Variants in PABIR2 observed in about 807,000 individuals in gnomAD.
PABIR2 encodes family with sequence similarity 122B.
PABIR2 carries 7 observed loss-of-function variants against 22.8 expected under a neutral mutation model. The observed-to-expected ratio is 0.31, with a 90% CI of 0.17 to 0.58. The LOEUF is 0.58. PABIR2 is among the 20% of genes least tolerant of loss of function. The pLI, the probability that PABIR2 is intolerant of heterozygous loss-of-function variation, is 0.89. For missense variants in PABIR2, 155 were observed against 205.1 expected, an observed-to-expected ratio of 0.76 and a Z score of 1.49; for synonymous variants, 67 against 73.8, an observed-to-expected ratio of 0.91 and a Z score of 0.47.
intron 7 of PABIR2, among the ~76,000 whole-genome samples, chrX:134,786,700 G>A (rs1338497817): frequency 9.0e-6 from 1 of 111,706 alleles, no homozygotes; most frequent in Non-Finnish European, 1.9e-5. Flanking sequence ...GCTCACGCCT[G>A]TAATCCCAGT....
At chrX:134,794,043 C>T in intron 1 of PABIR2, 150 bp from the exon 2 acceptor site, 1 of 1,088,282 alleles carries the variant, frequency 9.2e-7, no homozygotes, top group Admixed American at 3.5e-5. Flanking sequence ...GAACTCCTCA[C>T]CGTCCTCTCT....
chrX:134,784,836 A>G (rs2079265626), intron 8 of PABIR2, among the ~76,000 whole-genome samples: 1 of 111,095 alleles, frequency 9.0e-6, no homozygotes, highest in Non-Finnish European at 1.9e-5. Flanking sequence ...ATACTAAACT[A>G]AACTATTTTA....
At chrX:134,775,086 ACTT>A (rs2078932791) in intron 9 of PABIR2, among the ~76,000 whole-genome samples, 1 of 112,397 alleles carries the variant, frequency 8.9e-6, no homozygotes, top group Non-Finnish European at 1.9e-5. Flanking sequence ...AATGAGCCTT[ACTT>A]AGACTAATGG....
At chrX:134,780,607 G>A (rs930095435) in intron 9 of PABIR2, among the ~76,000 whole-genome samples, 6 of 111,802 alleles carry the variant, frequency 5.4e-5, no homozygotes, top group Non-Finnish European at 9.4e-5. Context: ...ATCCTCAGCT[G>A]TAAAACTCAG....
At position 134,774,177 on chromosome X, in the gene PABIR2, T is replaced by C. The variant is rs1221090430; in HGVS notation, c.660-1894A>G. 2.7e-5 allele frequency among the ~76,000 whole-genome samples: 3 copies of C among 112,159 alleles called. No homozygotes were observed. The East Asian group carries it at 8.3e-4, about 31-fold the overall frequency. On this transcript the variant is annotated intron_variant, in intron 9 of 9. Coordinates refer to ENST00000343004, the MANE Select transcript of PABIR2 (RefSeq NM_001387468.1). ...TGGCTCCGATATTTTTTCAACCAAA[T>C]GGCAAAATGGATCTAAAATATGAAT... is the stretch of plus-strand genomic sequence containing the variant.
chrX:134,795,190 T>C (rs1876880049), intron 1 of PABIR2, among the ~76,000 whole-genome samples: 1 of 112,075 alleles, frequency 8.9e-6, no homozygotes, highest in Non-Finnish European at 1.9e-5. Flanking sequence ...CAACCTGTTT[T>C]TTCCCCAAAA....
chrX:134,774,530 T>C (rs1019575939), intron 9 of PABIR2, among the ~76,000 whole-genome samples: 20 of 110,945 alleles, frequency 1.8e-4, no homozygotes, highest in African/African-American at 6.2e-4. Flanking sequence ...TAAGGCCTGC[T>C]TGCTTGGGTG....
rs748860883 is a variant in PABIR2 at position 134,771,097 on chromosome X, GA to G, written c.*1041del. The G allele has an allele frequency of 5.5e-5, 18 of 326,384 alleles. No homozygotes were observed. Among genetic ancestry groups the G allele is most frequent in the South Asian group, 3.6e-4 (3 of 8,379 alleles). The allele number at this position is 326,384 out of a possible 1,213,427, so 26.9% of individuals were successfully genotyped here. On this transcript the variant is annotated 3_prime_UTR_variant, in exon 10 of 10. Coordinates refer to ENST00000343004, the MANE Select transcript of PABIR2 (RefSeq NM_001387468.1). Reference sequence around the variant, plus strand: ...CAAATCCAATGACAAAAAGGAATCGGAAAAAAAGCAGCAACAGAAACAGTAT... The same window carrying G: ...CAAATCCAATGACAAAAAGGAATCGGAAAAAAGCAGCAACAGAAACAGTAT...
rs951541333 is a variant in PABIR2, at chrX:134,797,127, T to C, written c.-922A>G. 1.1e-4 allele frequency: 12 copies of C among 113,761 alleles called. No homozygotes were observed. Among genetic ancestry groups the C allele is most frequent in the African/African-American group, 3.8e-4 (12 of 31,348 alleles). 9.4% of individuals were successfully genotyped at this position (113,761 alleles called of 1,213,427 possible). A position where few individuals can be genotyped will look rare whatever the true frequency, so the allele number is the denominator to read the frequency against. On this transcript the variant is annotated 5_prime_UTR_variant, in exon 1 of 10. Transcript: ENST00000343004. The stretch of plus-strand genomic sequence containing the variant: ...CAAGACCAAAATCTACAACCTGCAG[T>C]CTCTTCCGCCTCCCACGCTTCAGAA...
chrX:134,771,796 C>T lies in PABIR2; in HGVS notation c.*343G>A. 6.1e-6 allele frequency: 5 copies of T among 824,722 alleles called. No individual in the cohort carries two copies. In the South Asian group the frequency reaches 3.2e-4, roughly 53 times the overall value. The allele number at this position is 824,722 out of a possible 1,213,427, so 68.0% of individuals were successfully genotyped here. A position where few individuals can be genotyped will look rare whatever the true frequency, so the allele number is the denominator to read the frequency against. ...TCATATCACTGCTGCGGAAAAGGAC[C>T]ATTAAAGGCAATACACATCAGTGCC... On this transcript the variant is annotated 3_prime_UTR_variant, in exon 10 of 10. Transcript: ENST00000343004.
chrX:134,795,975 G>T, intron 1 of PABIR2, 133 bp downstream of exon 1: 1 of 537,287 alleles, frequency 1.9e-6, no homozygotes, highest in Non-Finnish European at 3.0e-6. Flanking sequence ...TCACTGTCAA[G>T]CAAACAAGTC....
chrX:134,783,719 C>T (rs944272255), intron 8 of PABIR2, among the ~76,000 whole-genome samples: 3 of 100,690 alleles, frequency 3.0e-5, no homozygotes, highest in Non-Finnish European at 4.0e-5. Context: ...AGCAAGACTC[C>T]GTCTCAATTA....
At chrX:134,772,311 GC>G (rs747380300) in intron 9 of PABIR2, 28 bp from the exon 10 acceptor site, 49 of 1,158,092 alleles carry the variant, frequency 4.2e-5, no homozygotes, top group Admixed American at 7.3e-5. Flanking sequence ...AGAATTATAA[GC>G]AAATGCAACT....
At chrX:134,788,148 C>T (rs1354621561) in intron 6 of PABIR2, among the ~76,000 whole-genome samples, 2 of 96,299 alleles carry the variant, frequency 2.1e-5, no homozygotes, top group African/African-American at 4.0e-5. Context: ...GTAATATATA[C>T]GTTATATATG....
chrX:134,796,606 G>C lies in PABIR2; in HGVS notation c.-401C>G, dbSNP rs1603099209. On this transcript the variant is annotated 5_prime_UTR_variant, in exon 1 of 10. Coordinates refer to ENST00000343004, the MANE Select transcript of PABIR2 (RefSeq NM_001387468.1). ...GGAGGGCAGAGGGGGGAAAGGGAGA[G>C]GAAGGGGGCGGAGGAGGGAGGGGAA... The C allele has an allele frequency of 1.1e-5, 1 of 89,588 alleles. No homozygotes were observed. The highest frequency in any genetic ancestry group is 4.1e-5 in the African/African-American group (1 of 24,125). The allele number at this position is 89,588 out of a possible 1,213,427, so 7.4% of individuals were successfully genotyped here.
chrX:134,778,396 C>T (rs1407842182), intron 9 of PABIR2, among the ~76,000 whole-genome samples: 3 of 102,603 alleles, frequency 2.9e-5, no homozygotes, highest in African/African-American at 1.1e-4. Flanking sequence ...CCCAGCTACT[C>T]GAGAGGCTGA....
intron 6 of PABIR2, 73 bp downstream of exon 6, chrX:134,788,657 G>T: frequency 1.1e-6 from 1 of 887,214 alleles, no homozygotes; most frequent in Non-Finnish European, 1.6e-6. Flanking sequence ...TTAAAAGTGG[G>T]GTGATTTGTG....
intron 6 of PABIR2, 64 bp from the exon 7 acceptor site, chrX:134,787,597 T>A: frequency 1.3e-4 from 64 of 487,267 alleles, no homozygotes; most frequent in Non-Finnish European, 2.1e-4. Flanking sequence ...GTTCTAGCAC[T>A]CCAGTTTTCT....
At chrX:134,792,558 A>G (rs2079577587) in intron 2 of PABIR2, among the ~76,000 whole-genome samples, 1 of 112,365 alleles carries the variant, frequency 8.9e-6, no homozygotes. Flanking sequence ...CAGCCATTTC[A>G]GTTGGAAATC....
Sources: gnomAD v4.1 joint callset for allele counts (sites outside exome capture counted in the v4.1 genomes callset) on GRCh38, gnomAD v4.1.1 for gene constraint, MANE v1.5 for transcripts, NCBI Gene and HGNC (gene_info 2026-07-23, HGNC 2026-07-21) for gene names.